The following MKRN2 variants were observed in gnomAD, a reference collection of about 807,000 sequenced individuals.
The protein encoded by MKRN2 is makorin ring finger protein 2.
Under a neutral mutation model 45.4 loss-of-function variants are expected in MKRN2, and 32 were observed. The observed-to-expected ratio is 0.70, with a 90% CI of 0.53 to 0.95. MKRN2 has a LOEUF of 0.95. Among genes scored for constraint, MKRN2 ranks in the 40% least tolerant of loss-of-function variants. MKRN2 has a pLI of 0.00. For missense variants in MKRN2, 526 were observed against 536.7 expected, an observed-to-expected ratio of 0.98 and a Z score of 0.20; for synonymous variants, 206 against 192.4, an observed-to-expected ratio of 1.07 and a Z score of -0.59.
intron 5 of MKRN2, 49 bp from the exon 6 acceptor site, chr3:12,576,582 C>A: frequency 7.3e-7 from 1 of 1,368,068 alleles, no homozygotes; most frequent in South Asian, 1.2e-5. Context: ...AGAGTGTGCC[C>A]AGGCTTCGTA....
intron 5 of MKRN2, among the ~76,000 whole-genome samples, 183 bp from the exon 6 acceptor site, chr3:12,576,448 C>T (rs1163324110): frequency 6.6e-6 from 1 of 152,098 alleles, no homozygotes; most frequent in East Asian, 1.9e-4. Flanking sequence ...CATGTGTTCT[C>T]ATTGGGAAAC....
At position 12,582,331 on chromosome 3, in the gene MKRN2, A is replaced by C. The variant is rs1042855375; in HGVS notation, c.*78A>C. ...GCCAGGGTGTGCGGAGCTTCCCTGT[A>C]CTGCAGCCAAGGTGACGTGTGACTT... On this transcript the variant is annotated 3_prime_UTR_variant, in exon 8 of 8. Transcript: ENST00000170447. 8 of 1,565,456 alleles carry C rather than the reference A, an allele frequency of 5.1e-6. No homozygotes were observed. The highest frequency in any genetic ancestry group is 1.4e-5 in the African/African-American group (1 of 73,720).
In MKRN2 at chr3:12,582,708, CA is replaced by C. The variant is rs1343027999; in HGVS notation, c.*459del. On this transcript the variant is annotated 3_prime_UTR_variant, in exon 8 of 8. Coordinates refer to ENST00000170447, the MANE Select transcript of MKRN2 (RefSeq NM_014160.5). ...TTCTCTAGTGTATTTAGTGTGTCGT[CA>C]AAATTTTGATTTATACAGAGCTTTC... is the stretch of plus-strand genomic sequence containing the variant. 6.3e-6 allele frequency: 1 copy of C among 158,228 alleles called. No homozygotes were observed. Among genetic ancestry groups the C allele is most frequent in the Non-Finnish European group, 1.4e-5 (1 of 71,280 alleles). 9.8% of individuals were successfully genotyped at this position (158,228 alleles called of 1,614,324 possible).
chr3:12,571,554 T>G (rs1559389277), intron 3 of MKRN2, among the ~76,000 whole-genome samples: 1 of 152,198 alleles, frequency 6.6e-6, no homozygotes, highest in Non-Finnish European at 1.5e-5. Flanking sequence ...CTCGGAGGTG[T>G]GCAGTGGGAA....
chr3:12,578,515 C>T lies in MKRN2; in HGVS notation c.968+1774C>T, dbSNP rs552365630. 4.7e-4 allele frequency among the ~76,000 whole-genome samples: 71 copies of T among 152,168 alleles called. 1 individual carries two copies. The South Asian group carries it at 0.014, about 30-fold the overall frequency. ...GTATTTTAGTAGAGACAGGGTTTCA[C>T]TGTGTTTCCCAGGCTGGTCTTGAAC... On this transcript the variant is annotated intron_variant, in intron 6 of 7. Coordinates refer to ENST00000170447, the MANE Select transcript of MKRN2 (RefSeq NM_014160.5).
In MKRN2 at chr3:12,576,641, G is replaced by C. The variant is rs758109302; in HGVS notation, c.868G>C (p.Glu290Gln). The C allele has an allele frequency of 1.5e-5, 24 of 1,599,648 alleles. No homozygotes were observed. The highest frequency in any genetic ancestry group is 2.1e-5 in the Non-Finnish European group (24 of 1,167,582). ...TAATTCTTATTTCAGGTCTTGTCCA[G>C]AATGCCGTGTGATATCAGAGTTTGT... ...FENPIIKSCP[E>Q]CRVISEFVIP... Residue 290 changes from glutamate (E) to glutamine (Q), a missense_variant, in exon 6 of 8, where the codon GAA becomes CAA. Transcript: ENST00000170447.
At position 12,574,963 on chromosome 3, in the gene MKRN2, C is replaced by T. The variant is rs376766572; in HGVS notation, c.814C>T (p.Arg272Trp). 2.0e-5 allele frequency: 32 copies of T among 1,614,110 alleles called. No homozygotes were observed. The highest frequency in any genetic ancestry group is 4.5e-5 in the East Asian group (2 of 44,904). ...TCACACGTACTGTTTGTCCTGCATC[C>T]GGCAGTGGCGGTGTGCCAAACAGTT... is the stretch of plus-strand genomic sequence containing the variant. ...CNHTYCLSCI[R>W]QWRCAKQFEN... The change falls in exon 5 of 8, where the codon CGG becomes TGG. Residue 272 changes from arginine (R) to tryptophan (W), a missense_variant. Arg to Trp is a moderately radical substitution (Grantham distance 101). Coordinates refer to ENST00000170447, the MANE Select transcript of MKRN2 (RefSeq NM_014160.5).
chr3:12,570,375 C>T lies in MKRN2; in HGVS notation c.337+123C>T, dbSNP rs369938392. The T allele has an allele frequency of 4.8e-5, 47 of 970,632 alleles. No homozygotes were observed. The Middle Eastern group carries it at 6.6e-4, about 14-fold the overall frequency. The allele number at this position is 970,632 out of a possible 1,614,324, so 60.1% of individuals were successfully genotyped here. A position where few individuals can be genotyped will look rare whatever the true frequency, so the allele number is the denominator to read the frequency against. On this transcript the variant is annotated intron_variant, in intron 3 of 7. Transcript: ENST00000170447. Reference sequence around the variant, plus strand: ...ACCTAATACACCTCCAGATTGTCTGCGCGGAGAGACTTCAGAACTGTTCTG... The same window carrying T: ...ACCTAATACACCTCCAGATTGTCTGTGCGGAGAGACTTCAGAACTGTTCTG...
At chr3:12,575,677 A>G (rs944535345) in intron 5 of MKRN2, among the ~76,000 whole-genome samples, 2 of 152,166 alleles carry the variant, frequency 1.3e-5, no homozygotes, top group Non-Finnish European at 2.9e-5. Flanking sequence ...CAACTGCTCT[A>G]TTGAGATAAA....
chr3:12,566,706 G>GA (rs2058070756), intron 1 of MKRN2, among the ~76,000 whole-genome samples: 1 of 152,138 alleles, frequency 6.6e-6, no homozygotes, highest in African/African-American at 2.4e-5. Context: ...GGGTTCAGGT[G>GA]ATTCTCCTGC....
chr3:12,576,920 G>C, intron 6 of MKRN2, 179 bp downstream of exon 6: 1 of 138,170 alleles, frequency 7.2e-6, no homozygotes. Context: ...ATGTGGACCT[G>C]TTTAGTTTTG....
intron 1 of MKRN2, among the ~76,000 whole-genome samples, chr3:12,567,869 C>T (rs889901280): frequency 2.0e-5 from 3 of 152,152 alleles, no homozygotes; most frequent in African/African-American, 7.2e-5. Flanking sequence ...TCTACCCTGT[C>T]TGGACAGAGT....
At chr3:12,561,320 G>A (rs959705753) in intron 1 of MKRN2, among the ~76,000 whole-genome samples, 1 of 152,194 alleles carries the variant, frequency 6.6e-6, no homozygotes, top group Non-Finnish European at 1.5e-5. Flanking sequence ...TGGATAGGAC[G>A]TATGGAAGGC....
intron 1 of MKRN2, among the ~76,000 whole-genome samples, chr3:12,558,064 A>G (rs911148138): frequency 6.6e-6 from 1 of 152,212 alleles, no homozygotes; most frequent in African/African-American, 2.4e-5. Context: ...GGAAAATGCA[A>G]ATTTCATTTA....
intron 6 of MKRN2, among the ~76,000 whole-genome samples, chr3:12,579,306 A>G (rs145233475): frequency 0.017 from 2,593 of 152,242 alleles, 78 homozygotes; most frequent in African/African-American, 0.059. Context: ...CTGGGATTAC[A>G]GGTGTGCGCC....
intron 6 of MKRN2, among the ~76,000 whole-genome samples, chr3:12,579,334 T>C (rs983445372): frequency 1.3e-5 from 2 of 152,026 alleles, no homozygotes; most frequent in African/African-American, 4.8e-5. Flanking sequence ...CCAGCTAATT[T>C]TTGTATTTTT....
intron 1 of MKRN2, 126 bp from the exon 2 acceptor site, chr3:12,568,749 T>G (rs1397246007): frequency 2.4e-6 from 3 of 1,242,124 alleles, no homozygotes; most frequent in Non-Finnish European, 3.3e-6. Context: ...CTCTCTCCAG[T>G]GCCTAATAGA....
At position 12,574,992 on chromosome 3, in the gene MKRN2, A is replaced by G; in HGVS notation, c.843A>G (p.Glu281=). 1.2e-6 allele frequency: 2 copies of G among 1,614,054 alleles called. No individual in the cohort carries two copies. Among genetic ancestry groups the G allele is most frequent in the East Asian group, 2.2e-5 (1 of 44,888 alleles). The change falls in exon 5 of 8, where the codon GAA becomes GAG. Residue 281 remains glutamate (E), a synonymous_variant. Transcript: ENST00000170447. The part of the protein sequence containing the change: ...IRQWRCAKQF[E]NPIIKSCPEC... Reference sequence around the variant, plus strand: ...AGTGGCGGTGTGCCAAACAGTTTGAAAACCCAATCATTAAGTAAGTACAGC... The same window carrying G: ...AGTGGCGGTGTGCCAAACAGTTTGAGAACCCAATCATTAAGTAAGTACAGC...
At chr3:12,560,478 T>TAAAAAA (rs10651248) in intron 1 of MKRN2, among the ~76,000 whole-genome samples, 2 of 124,964 alleles carry the variant, frequency 1.6e-5, no homozygotes, top group Non-Finnish European at 3.4e-5. Flanking sequence ...TAGGAAAATG[T>TAAAAAA]AAAAAAAAAA....
Sources: allele counts gnomAD v4.1 joint callset (sites outside exome capture counted in the v4.1 genomes callset), GRCh38; gene constraint gnomAD v4.1.1; transcripts MANE v1.5; gene names NCBI Gene and HGNC (gene_info 2026-07-23, HGNC 2026-07-21).